The following RNF212B variants were observed in gnomAD, a reference collection of about 807,000 sequenced individuals.
The protein encoded by RNF212B is ring finger protein 212B.
A neutral mutation model predicts 55.5 loss-of-function variants in RNF212B; 52 were observed. That is an observed-to-expected ratio of 0.94 (90% CI 0.75 to 1.18). The LOEUF (loss-of-function observed/expected upper bound fraction) is 1.18, where lower values mean the gene tolerates loss of function less well. Ranked by LOEUF, RNF212B falls within the 50% of genes most tolerant of loss-of-function variation. RNF212B has a pLI of 0.00. For missense variants in RNF212B, 289 were observed against 350.4 expected (o/e 0.82, Z 1.40); for synonymous variants, 99 against 121.4 (o/e 0.82, Z 1.21).
rs144475755 is a variant in RNF212B at position 23,246,060 on chromosome 14, T to C, written c.228+1664T>C. On this transcript the variant is annotated intron_variant, in intron 4 of 14. Transcript: ENST00000430154. ...ATCAAGCTGACTGTTTTGAATTCTT[T>C]ACTCACCTCAAGATAATCTTTCTGA... is the stretch of plus-strand genomic sequence containing the variant. 3.9e-5 allele frequency among the ~76,000 whole-genome samples: 6 copies of C among 152,316 alleles called. No homozygotes were observed. The East Asian group carries it at 1.2e-3, about 29-fold the overall frequency.
At chr14:23,187,460 C>T (rs1402784260) in intron 1 of RNF212B, among the ~76,000 whole-genome samples, 3 of 152,106 alleles carry the variant, frequency 2.0e-5, no homozygotes, top group South Asian at 2.1e-4. Flanking sequence ...GTGATCCTCC[C>T]GCCTCAGCCT....
At chr14:23,269,724 A>T in intron 12 of RNF212B, 139 bp from the exon 13 acceptor site, 1 of 590,440 alleles carries the variant, frequency 1.7e-6, no homozygotes, top group Non-Finnish European at 3.0e-6. Context: ...AAAAAAAAAA[A>T]GAAAAAATTA....
At chr14:23,231,011 G>T (rs1302023136) in intron 2 of RNF212B, among the ~76,000 whole-genome samples, 1 of 152,134 alleles carries the variant, frequency 6.6e-6, no homozygotes, top group East Asian at 1.9e-4. Context: ...ACACTGTTTT[G>T]ATTACAGTAG....
chr14:23,240,287 C>T, intron 1 of RNF212B, 58 bp from the exon 2 acceptor site: 3 of 1,159,340 alleles, frequency 2.6e-6, no homozygotes, highest in Non-Finnish European at 3.7e-6. Flanking sequence ...GATTTTGGAA[C>T]AGCTATAATT....
At chr14:23,252,381 A>G (rs1009898434) in intron 4 of RNF212B, among the ~76,000 whole-genome samples, 2 of 152,228 alleles carry the variant, frequency 1.3e-5, no homozygotes, top group African/African-American at 4.8e-5. Context: ...GCCCATTAAA[A>G]AAAAGTTTAT....
chr14:23,229,519 G>C (rs1048447864), intron 2 of RNF212B, among the ~76,000 whole-genome samples: 1 of 151,688 alleles, frequency 6.6e-6, no homozygotes, highest in African/African-American at 2.4e-5. Flanking sequence ...AATGTACAAG[G>C]GTTCTGATTT....
intron 4 of RNF212B, among the ~76,000 whole-genome samples, chr14:23,248,732 G>A (rs1265087211): frequency 6.6e-6 from 1 of 151,438 alleles, no homozygotes; most frequent in Non-Finnish European, 1.5e-5. Flanking sequence ...GAGCCATCAC[G>A]CCCGGCCCCC....
intron 4 of RNF212B, among the ~76,000 whole-genome samples, chr14:23,256,650 G>T (rs1291819044): frequency 6.6e-6 from 1 of 152,016 alleles, no homozygotes; most frequent in Admixed American, 6.6e-5. Context: ...AGGATTACAA[G>T]CATGAGCCAC....
At chr14:23,247,656 A>G (rs1457187133) in intron 4 of RNF212B, among the ~76,000 whole-genome samples, 1 of 152,210 alleles carries the variant, frequency 6.6e-6, no homozygotes, top group Non-Finnish European at 1.5e-5. Context: ...TATACATTTT[A>G]CTTATCCATT....
At position 23,264,661 on chromosome 14, in the gene RNF212B, C is replaced by G. The variant is rs983075447; in HGVS notation, c.624C>G (p.Asp208Glu). 2.3e-6 allele frequency: 3 copies of G among 1,323,014 alleles called. No homozygotes were observed. The highest frequency in any genetic ancestry group is 2.9e-6 in the Non-Finnish European group (3 of 1,028,560). 82.0% of individuals were successfully genotyped at this position (1,323,014 alleles called of 1,614,324 possible). ...RGLQGRRTPR[D>E]SYNETPSPAS... ...TGCAGGGAAGGAGAACTCCCAGAGACTCTTATAATGGTGAGGTGGGGGGAA... is the reference window on the plus strand; with the variant it reads ...TGCAGGGAAGGAGAACTCCCAGAGAGTCTTATAATGGTGAGGTGGGGGGAA... The change falls in exon 11 of 15, where the codon GAC becomes GAG. Residue 208 changes from aspartate to glutamate, a missense_variant. Physicochemically the swap from Asp to Glu is conservative, Grantham distance 45 (BLOSUM62 2). Transcript: ENST00000430154.
At chr14:23,233,562 CAAA>C (rs35654046), upstream of RNF212B, among the ~76,000 whole-genome samples, 326 of 58,404 alleles carry the variant, frequency 5.6e-3, 1 homozygote, top group African/African-American at 0.021. Flanking sequence ...CCCATCTCTA[CAAA>C]AAAAAAAAAA....
At chr14:23,234,150 T>G (rs1423386020), upstream of RNF212B, among the ~76,000 whole-genome samples, 2 of 152,090 alleles carry the variant, frequency 1.3e-5, no homozygotes, top group Non-Finnish European at 2.9e-5. Flanking sequence ...CTAGGAAAAC[T>G]GTTGGTCTCT....
intron 2 of RNF212B, among the ~76,000 whole-genome samples, chr14:23,207,196 T>TA (rs1469504835): frequency 6.6e-6 from 1 of 152,250 alleles, no homozygotes; most frequent in Non-Finnish European, 1.5e-5. Context: ...CTGAGTGTTC[T>TA]AAGTGTAAGT....
At chr14:23,259,648 T>C (rs1036328565) in intron 5 of RNF212B, 1 of 312,888 alleles carries the variant, frequency 3.2e-6, no homozygotes, top group African/African-American at 2.2e-5. Flanking sequence ...ATGGAATTCT[T>C]TGCAAATTCC....
At chr14:23,200,408 C>A (rs1020035992) in intron 2 of RNF212B, among the ~76,000 whole-genome samples, 1 of 152,058 alleles carries the variant, frequency 6.6e-6, no homozygotes, top group African/African-American at 2.4e-5. Context: ...CCACTGCAAC[C>A]TCTGCCTCCT....
chr14:23,195,139 A>G (rs1041783363), intron 2 of RNF212B, among the ~76,000 whole-genome samples: 3 of 152,172 alleles, frequency 2.0e-5, no homozygotes, highest in East Asian at 1.9e-4. Flanking sequence ...AAAGTACTGC[A>G]TATAGGAGCC....
At position 23,272,843 on chromosome 14, in the gene RNF212B, G is replaced by T; in HGVS notation, c.855G>T (p.Arg285Ser). ...PVLQTLYQQR[R>S]HMGLPSGREA... ...TGCAGACTCTCTACCAACAACGGAG[G>T]CATATGGGATTACCCAGTGGGAGAG... The change falls in exon 15 of 15, where the codon AGG becomes AGT. Residue 285 changes from arginine to serine, a missense_variant. Transcript: ENST00000430154. 6.5e-7 allele frequency: 1 copy of T among 1,549,062 alleles called. No individual in the cohort carries two copies. The highest frequency in any genetic ancestry group is 8.7e-7 in the Non-Finnish European group (1 of 1,146,030).
chr14:23,221,423 C>A (rs1431883978), intron 2 of RNF212B, among the ~76,000 whole-genome samples: 1 of 152,072 alleles, frequency 6.6e-6, no homozygotes, highest in Non-Finnish European at 1.5e-5. Flanking sequence ...ATAAAGGGGT[C>A]AATTCAGCAT....
chr14:23,270,734 G>A, intron 14 of RNF212B, 73 bp downstream of exon 14: 1 of 991,116 alleles, frequency 1.0e-6, no homozygotes, highest in Non-Finnish European at 1.6e-6. Context: ...AAATGCCTCA[G>A]GGTAGTGGAA....
Sources: gnomAD v4.1 joint callset for allele counts (sites outside exome capture counted in the v4.1 genomes callset) on GRCh38, gnomAD v4.1.1 for gene constraint, MANE v1.5 for transcripts, NCBI Gene and HGNC (gene_info 2026-07-23, HGNC 2026-07-21) for gene names.